MYOM1: variants seen among roughly 807,000 people sequenced by gnomAD.
The protein encoded by MYOM1 is myomesin 1.
MYOM1 carries 164 observed loss-of-function variants against 205.3 expected under a neutral mutation model. That is an observed-to-expected ratio of 0.80 (90% CI 0.70 to 0.91). The LOEUF is 0.91. MYOM1 is among the 40% of genes least tolerant of loss of function. The probability of loss-of-function intolerance (pLI) is 0.00; values close to 1 mark genes in which losing one functional copy is unlikely to be tolerated. For synonymous variants in MYOM1, 772 were observed against 789.4 expected, an observed-to-expected ratio of 0.98 and a Z score of 0.37; for missense variants, 2,011 against 2,127.3, an observed-to-expected ratio of 0.95 and a Z score of 1.08.
At chr18:3,140,640 T>G (rs2080034977) in intron 14 of MYOM1, among the ~76,000 whole-genome samples, 1 of 152,206 alleles carries the variant, frequency 6.6e-6, no homozygotes, top group Admixed American at 6.5e-5. Flanking sequence ...TTACCTAATT[T>G]TCAGAAGTTT....
Position 3,175,022 on chromosome 18 carries a change from C to T in MYOM1, c.1023-814G>A, listed in dbSNP as rs181798587. 7.2e-4 allele frequency among the ~76,000 whole-genome samples: 109 copies of T among 152,146 alleles called. 1 individual carries two copies. The highest frequency in any genetic ancestry group is 2.5e-3 in the African/African-American group (105 of 41,510). ...GTTTCTCGTGTTCTTCATTGTTTCTCGGGGTTTAGTTTCATTTGTGTAAAT... is the reference window on the plus strand; with the variant it reads ...GTTTCTCGTGTTCTTCATTGTTTCTTGGGGTTTAGTTTCATTTGTGTAAAT... On this transcript the variant is annotated intron_variant, in intron 6 of 37. Transcript: ENST00000356443.
upstream of MYOM1, among the ~76,000 whole-genome samples, chr18:3,224,241 C>T (rs548566651): frequency 6.6e-6 from 1 of 152,206 alleles, no homozygotes; most frequent in South Asian, 2.1e-4. Context: ...AGGCTGGCCT[C>T]GAACTTCTGA....
At chr18:3,087,975 A>G (rs960345994) in intron 29 of MYOM1, among the ~76,000 whole-genome samples, 1 of 152,230 alleles carries the variant, frequency 6.6e-6, no homozygotes, top group Non-Finnish European at 1.5e-5. Context: ...AGACAGAGGA[A>G]GCGGGAGGCC....
intron 10 of MYOM1, 76 bp downstream of exon 10, chr18:3,164,201 CT>C (rs2080436699): frequency 6.9e-7 from 1 of 1,441,044 alleles, no homozygotes; most frequent in East Asian, 2.4e-5. Context: ...CATGTTTGAA[CT>C]GTTTTGTAAT....
At chr18:3,182,913 CTTTTTTTTTTTTTT>C (rs549386891) in intron 5 of MYOM1, among the ~76,000 whole-genome samples, 3 of 92,300 alleles carry the variant, frequency 3.3e-5, no homozygotes, top group Admixed American at 1.3e-4. Context: ...TTTCTTTCTT[CTTTTTTTTTTTTTT>C]TTTTTTTTTT....
chr18:3,130,713 C>T (rs188842367), intron 17 of MYOM1, among the ~76,000 whole-genome samples: 1 of 152,288 alleles, frequency 6.6e-6, no homozygotes, highest in Admixed American at 6.5e-5. Flanking sequence ...GCCTCTCCCT[C>T]CCAAAGTGCT....
chr18:3,245,566 G>C, the MYOM1 span, among the ~76,000 whole-genome samples: 1 of 150,482 alleles, frequency 6.6e-6, no homozygotes, highest in African/African-American at 2.4e-5. Context: ...ACATTTTATC[G>C]AGATGCTATT....
intron 2 of MYOM1, among the ~76,000 whole-genome samples, chr18:3,197,728 CTGGG>C (rs2081009911): frequency 6.6e-6 from 1 of 151,740 alleles, no homozygotes; most frequent in African/African-American, 2.4e-5. Context: ...AAAAAATTAG[CTGGG>C]CATGGTGGCA....
chr18:3,197,827 C>T (rs571276744), intron 2 of MYOM1, among the ~76,000 whole-genome samples: 5 of 151,960 alleles, frequency 3.3e-5, no homozygotes, highest in Non-Finnish European at 7.4e-5. Context: ...GAGCCGAGAT[C>T]GCACCACTGC....
chr18:3,074,626 G>A (rs1209608620), intron 36 of MYOM1, among the ~76,000 whole-genome samples: 2 of 152,166 alleles, frequency 1.3e-5, no homozygotes, highest in Non-Finnish European at 2.9e-5. Context: ...GGGTACACAT[G>A]CAGACTTGAC....
chr18:3,216,396 T>C (rs1487868788), intron 1 of MYOM1, among the ~76,000 whole-genome samples: 1 of 152,142 alleles, frequency 6.6e-6, no homozygotes, highest in Non-Finnish European at 1.5e-5. Flanking sequence ...GTAAGTCAAG[T>C]ATGAGATAGG....
intron 3 of MYOM1, among the ~76,000 whole-genome samples, chr18:3,193,049 ACTTG>A (rs1164794023): frequency 6.6e-6 from 1 of 151,850 alleles, no homozygotes; most frequent in Non-Finnish European, 1.5e-5. Flanking sequence ...AGGGAAGATC[ACTTG>A]AGCCCAGGAG....
chr18:3,087,882 G>A (rs1339709627), intron 29 of MYOM1, among the ~76,000 whole-genome samples: 2 of 152,068 alleles, frequency 1.3e-5, no homozygotes, highest in Non-Finnish European at 2.9e-5. Flanking sequence ...GATTCGCTGC[G>A]CATACTCCAT....
At chr18:3,167,729 C>G (rs2080493850) in intron 9 of MYOM1, among the ~76,000 whole-genome samples, 1 of 152,190 alleles carries the variant, frequency 6.6e-6, no homozygotes, top group South Asian at 2.1e-4. Context: ...TCCAGTGCTT[C>G]AACTCATCAA....
chr18:3,157,433 G>A (rs546189596), intron 10 of MYOM1, among the ~76,000 whole-genome samples: 2 of 152,140 alleles, frequency 1.3e-5, no homozygotes, highest in South Asian at 2.1e-4. Flanking sequence ...GGTCACGCCT[G>A]TAATCCTAGC....
chr18:3,199,569 C>T (rs527604482), intron 2 of MYOM1, among the ~76,000 whole-genome samples: 3 of 152,270 alleles, frequency 2.0e-5, no homozygotes, highest in African/African-American at 7.2e-5. Flanking sequence ...CGGCTGGGCA[C>T]GGTGGCTCAC....
At chr18:3,235,528 T>C in the MYOM1 span, among the ~76,000 whole-genome samples, 4 of 152,238 alleles carry the variant, frequency 2.6e-5, no homozygotes, top group African/African-American at 9.6e-5. Context: ...GCTTCCCTTG[T>C]TGGCCTCATG....
intron 22 of MYOM1, among the ~76,000 whole-genome samples, chr18:3,104,292 G>A (rs1304317679): frequency 6.6e-6 from 1 of 152,162 alleles, no homozygotes; most frequent in East Asian, 1.9e-4. Flanking sequence ...AGAAATTTTT[G>A]TATATCTGTA....
intron 22 of MYOM1, among the ~76,000 whole-genome samples, chr18:3,106,771 A>C (rs1021123056): frequency 2.0e-5 from 3 of 152,154 alleles, no homozygotes; most frequent in African/African-American, 4.8e-5. Context: ...TGTGGTGAGC[A>C]ATGATCATGC....
Sources: gnomAD v4.1 joint callset for allele counts (sites outside exome capture counted in the v4.1 genomes callset) on GRCh38, gnomAD v4.1.1 for gene constraint, MANE v1.5 for transcripts, NCBI Gene and HGNC (gene_info 2026-07-23, HGNC 2026-07-21) for gene names.